The following ADAMTSL1 variants were observed in gnomAD, a reference collection of about 807,000 sequenced individuals.
The protein encoded by ADAMTSL1 is ADAMTS-like protein 1.
In ADAMTSL1, 126 loss-of-function variants were observed where a neutral mutation model predicts 201.8. That is an observed-to-expected ratio of 0.62 (90% CI 0.54 to 0.72). The LOEUF (loss-of-function observed/expected upper bound fraction) is 0.72, where lower values mean the gene tolerates loss of function less well. ADAMTSL1 is among the 30% of genes least tolerant of loss of function. The probability of loss-of-function intolerance (pLI) is 0.00; values close to 1 mark genes in which losing one functional copy is unlikely to be tolerated. For synonymous variants in ADAMTSL1, 1,121 were observed against 903.4 expected, an observed-to-expected ratio of 1.24 and a Z score of -4.32; for missense variants, 2,679 against 2,277.8, an observed-to-expected ratio of 1.18 and a Z score of -3.59.
chr9:18,210,037 A>G (rs1034043173), intron 2 of ADAMTSL1, among the ~76,000 whole-genome samples: 5 of 152,082 alleles, frequency 3.3e-5, no homozygotes, highest in Non-Finnish European at 2.9e-5. Flanking sequence ...AGTGGGCTAC[A>G]TTGCTATCTC....
At chr9:18,488,617 C>G (rs60561389) in intron 1 of ADAMTSL1, among the ~76,000 whole-genome samples, 5,483 of 152,188 alleles carry the variant, frequency 0.036, 326 homozygotes, top group African/African-American at 0.12. Flanking sequence ...TGGCATGTAC[C>G]TCAAAGGATC....
At chr9:18,889,805 T>G in intron 25 of ADAMTSL1, 57 bp downstream of exon 25, 2 of 1,384,900 alleles carry the variant, frequency 1.4e-6, no homozygotes, top group South Asian at 1.7e-5. Context: ...CCCTCCCTGT[T>G]AGCGAAGTCA....
chr9:18,892,864 A>T (rs1829376037), intron 26 of ADAMTSL1, among the ~76,000 whole-genome samples: 1 of 152,100 alleles, frequency 6.6e-6, no homozygotes, highest in Admixed American at 6.5e-5. Flanking sequence ...CCATCTATAC[A>T]TTATTACATT....
chr9:17,994,047 C>A (rs1448263424), intron 1 of ADAMTSL1, among the ~76,000 whole-genome samples: 1 of 151,204 alleles, frequency 6.6e-6, no homozygotes, highest in Non-Finnish European at 1.5e-5. Flanking sequence ...TTGTGCTTCC[C>A]CTCATTACAG....
At chr9:18,055,510 T>C (rs941398730) in intron 1 of ADAMTSL1, among the ~76,000 whole-genome samples, 2 of 152,254 alleles carry the variant, frequency 1.3e-5, no homozygotes, top group Non-Finnish European at 2.9e-5. Flanking sequence ...CCCTAAGATC[T>C]ACTTGAATGT....
At chr9:18,171,443 A>C (rs182075972) in intron 2 of ADAMTSL1, among the ~76,000 whole-genome samples, 2 of 152,246 alleles carry the variant, frequency 1.3e-5, no homozygotes, top group Non-Finnish European at 2.9e-5. Context: ...TTTTAATGGC[A>C]TAGAAATTTA....
intron 1 of ADAMTSL1, among the ~76,000 whole-genome samples, chr9:18,003,462 C>A (rs2131537691): frequency 6.6e-6 from 1 of 152,184 alleles, no homozygotes; most frequent in East Asian, 1.9e-4. Context: ...TGCTGCACAT[C>A]TGTGCACACT....
Position 18,905,864 on chromosome 9 carries a change from C to G in ADAMTSL1, c.4934C>G (p.Pro1645Arg), listed in dbSNP as rs1830277872. 6.2e-7 allele frequency: 1 copy of G among 1,613,108 alleles called. No individual in the cohort carries two copies. The highest frequency in any genetic ancestry group is 8.5e-7 in the Non-Finnish European group (1 of 1,179,536). ...CAGACACGGGATGGCATCACCTTACCATCAGAGCAGTGCAGTGCTCTTCCG... is the reference window on the plus strand; with the variant it reads ...CAGACACGGGATGGCATCACCTTACGATCAGAGCAGTGCAGTGCTCTTCCG... ...FCQTRDGITL[P>R]SEQCSALPRP... Residue 1645 changes from proline (P) to arginine (R), a missense_variant, in exon 27 of 29, where the codon CCA (proline) becomes CGA (arginine). Pro to Arg is a moderately radical substitution (Grantham distance 103, BLOSUM62 -2). Coordinates refer to ENST00000380548, the MANE Select transcript of ADAMTSL1 (RefSeq NM_001040272.6).
At chr9:18,396,537 C>G (rs1817760144) in intron 2 of ADAMTSL1, among the ~76,000 whole-genome samples, 1 of 147,022 alleles carries the variant, frequency 6.8e-6, no homozygotes, top group Admixed American at 6.8e-5. Flanking sequence ...TAATTTATAT[C>G]AAGTAATATA....
intron 1 of ADAMTSL1, among the ~76,000 whole-genome samples, chr9:18,106,493 G>T (rs932955260): frequency 1.8e-4 from 28 of 152,154 alleles, no homozygotes; most frequent in Non-Finnish European, 3.7e-4. Flanking sequence ...CATTTATTGT[G>T]TTAAGGAAAA....
At chr9:18,185,098 G>A (rs1215380223) in intron 2 of ADAMTSL1, among the ~76,000 whole-genome samples, 2 of 152,058 alleles carry the variant, frequency 1.3e-5, no homozygotes, top group South Asian at 2.1e-4. Flanking sequence ...TTTTAAAGTA[G>A]CCCCTATGAT....
At chr9:18,684,404 A>G (rs185348933) in intron 12 of ADAMTSL1, among the ~76,000 whole-genome samples, 113 of 152,358 alleles carry the variant, frequency 7.4e-4, no homozygotes, top group African/African-American at 2.6e-3. Context: ...AATGGTAAAA[A>G]GATACTTCGA....
At chr9:18,014,472 A>T (rs1820174044) in intron 1 of ADAMTSL1, among the ~76,000 whole-genome samples, 1 of 152,060 alleles carries the variant, frequency 6.6e-6, no homozygotes, top group Non-Finnish European at 1.5e-5. Flanking sequence ...TCAACCTAGA[A>T]TTATTTCAAC....
At chr9:18,372,809 G>T (rs758943498) in intron 2 of ADAMTSL1, among the ~76,000 whole-genome samples, 22 of 152,232 alleles carry the variant, frequency 1.4e-4, no homozygotes, top group Middle Eastern at 3.4e-3. Context: ...ACCACTTCCT[G>T]ATTCCAGATT....
chr9:18,781,246 G>A (rs138884627), intron 19 of ADAMTSL1, among the ~76,000 whole-genome samples: 3 of 152,262 alleles, frequency 2.0e-5, no homozygotes, highest in East Asian at 3.9e-4. Context: ...ACATCGTTGT[G>A]GGGGAGGGTA....
At chr9:18,239,943 T>C (rs1159093460) in intron 2 of ADAMTSL1, among the ~76,000 whole-genome samples, 1 of 152,210 alleles carries the variant, frequency 6.6e-6, no homozygotes, top group Non-Finnish European at 1.5e-5. Flanking sequence ...TATTTTTACA[T>C]CTTCAGTGAC....
intron 1 of ADAMTSL1, among the ~76,000 whole-genome samples, chr9:17,916,837 G>T (rs994831228): frequency 6.6e-6 from 1 of 152,074 alleles, no homozygotes. Context: ...GATTTGATTA[G>T]GAGTGTTTTA....
intron 2 of ADAMTSL1, among the ~76,000 whole-genome samples, chr9:18,180,761 TC>T (rs1032711135): frequency 7.2e-5 from 11 of 152,124 alleles, no homozygotes; most frequent in Non-Finnish European, 1.5e-4. Flanking sequence ...CCAATGACTT[TC>T]TTCACAGAAT....
At chr9:17,982,973 G>T (rs544030627) in intron 1 of ADAMTSL1, among the ~76,000 whole-genome samples, 45 of 150,350 alleles carry the variant, frequency 3.0e-4, no homozygotes, top group African/African-American at 1.1e-3. Context: ...CAGAGATTGT[G>T]AGTTAAGTTG....
Sources: allele counts gnomAD v4.1 joint callset (sites outside exome capture counted in the v4.1 genomes callset), GRCh38; gene constraint gnomAD v4.1.1; transcripts MANE v1.5; gene names NCBI Gene and HGNC (gene_info 2026-07-23, HGNC 2026-07-21).